Variants in DTWD2 observed in about 807,000 individuals in gnomAD.
The protein encoded by DTWD2 is DTW motif tRNA-uridine aminocarboxypropyltransferase 2, also known as tRNA-uridine aminocarboxypropyltransferase 2.
Under a neutral mutation model 31.8 loss-of-function variants are expected in DTWD2, and 39 were observed. The ratio of observed to expected loss-of-function variants is 1.22; its 90% CI spans 0.95 to 1.60. The LOEUF (loss-of-function observed/expected upper bound fraction) is 1.60, where lower values mean the gene tolerates loss of function less well. Among genes scored for constraint, DTWD2 ranks in the 40% most tolerant of loss-of-function variants. DTWD2 has a pLI of 0.00. For missense variants in DTWD2, 515 were observed against 381.5 expected (o/e 1.35, Z -2.92); for synonymous variants, 180 against 142.8 (o/e 1.26, Z -1.86).
intron 1 of DTWD2, among the ~76,000 whole-genome samples, chr5:118,980,225 T>C (rs527776190): frequency 1.4e-4 from 22 of 152,274 alleles, no homozygotes; most frequent in African/African-American, 4.3e-4. Context: ...TTGCAACCCA[T>C]TGTAAAAAAT....
At chr5:118,973,274 C>T (rs1755033214) in intron 1 of DTWD2, among the ~76,000 whole-genome samples, 1 of 152,088 alleles carries the variant, frequency 6.6e-6, no homozygotes, top group South Asian at 2.1e-4. Flanking sequence ...AACGTTGTTA[C>T]GTATGAATAT....
rs144546785 is a variant in DTWD2 at position 118,905,659 on chromosome 5, G to T, written c.597+22878C>A. On this transcript the variant is annotated intron_variant, in intron 4 of 5. Transcript: ENST00000510708. ...GTCTCGTTTCAAAAGTGATCGCCCT[G>T]GTAAGACTATTTTAATGACATTTCT... Among the ~76,000 whole-genome samples the T allele has an allele frequency of 4.1e-3, 627 of 151,992 alleles. 8 individuals are homozygous for T. The highest frequency in any genetic ancestry group is 0.029 in the East Asian group (151 of 5,182).
At chr5:118,898,461 C>T (rs1350747976) in intron 4 of DTWD2, among the ~76,000 whole-genome samples, 4 of 151,248 alleles carry the variant, frequency 2.6e-5, no homozygotes, top group African/African-American at 9.7e-5. Flanking sequence ...AGTTCAAGAC[C>T]AGCCTGGCCA....
rs531932742 is a variant in DTWD2, at chr5:118,847,538, T to C, written c.726+552A>G. 1.5e-3 allele frequency among the ~76,000 whole-genome samples: 232 copies of C among 152,274 alleles called. 2 individuals are homozygous for C. The highest frequency in any genetic ancestry group is 6.4e-3 in the South Asian group (31 of 4,832). On this transcript the variant is annotated intron_variant, in intron 5 of 5. Transcript: ENST00000510708. The stretch of plus-strand genomic sequence containing the variant: ...TTTGCTGATGATTATTAATTATATA[T>C]GAAATCATCATGCTTTCATAGAAAT...
chr5:118,857,056 C>T (rs1752152847), intron 4 of DTWD2, among the ~76,000 whole-genome samples: 1 of 152,116 alleles, frequency 6.6e-6, no homozygotes. Context: ...GGATTACAGG[C>T]ATGAGCCACC....
At chr5:118,978,489 C>T (rs1561480441) in intron 1 of DTWD2, among the ~76,000 whole-genome samples, 1 of 152,114 alleles carries the variant, frequency 6.6e-6, no homozygotes, top group African/African-American at 2.4e-5. Flanking sequence ...TGACAAAGGT[C>T]TAATATCCAG....
chr5:118,877,496 A>T (rs34505089), intron 4 of DTWD2, among the ~76,000 whole-genome samples: 3,105 of 151,924 alleles, frequency 0.02, 52 homozygotes, highest in Middle Eastern at 0.027. Context: ...TAAAAAAAAT[A>T]AAAAAAGCTC....
chr5:118,871,425 T>A (rs1026563485), intron 4 of DTWD2, among the ~76,000 whole-genome samples: 1 of 152,208 alleles, frequency 6.6e-6, no homozygotes, highest in African/African-American at 2.4e-5. Flanking sequence ...ATCAGAGGAA[T>A]CACTATTTAT....
intron 2 of DTWD2, 143 bp downstream of exon 2, chr5:118,944,416 T>C (rs968788875): frequency 1.8e-5 from 14 of 779,896 alleles, no homozygotes; most frequent in Non-Finnish European, 2.0e-6. Context: ...AAAAAGAAAC[T>C]ATTTTTTCCA....
At chr5:118,860,645 C>T (rs1157003463) in intron 4 of DTWD2, among the ~76,000 whole-genome samples, 1 of 152,054 alleles carries the variant, frequency 6.6e-6, no homozygotes, top group Admixed American at 6.6e-5. Context: ...TACATGAAAG[C>T]ACAAGTTTCC....
intron 3 of DTWD2, among the ~76,000 whole-genome samples, chr5:118,935,567 T>TG (rs1193252119): frequency 6.6e-6 from 1 of 152,164 alleles, no homozygotes; most frequent in African/African-American, 2.4e-5. Flanking sequence ...CTCACATATT[T>TG]GGGGGTCTCG....
chr5:118,968,571 G>C (rs949225459), intron 1 of DTWD2, among the ~76,000 whole-genome samples: 4 of 152,180 alleles, frequency 2.6e-5, no homozygotes, highest in African/African-American at 7.2e-5. Flanking sequence ...CAGTGAGTGT[G>C]CGACCCCACC....
intron 2 of DTWD2, among the ~76,000 whole-genome samples, chr5:118,939,577 TTAAC>T (rs932760055): frequency 9.3e-4 from 142 of 152,262 alleles, no homozygotes; most frequent in African/African-American, 3.3e-3. Context: ...AAATTTGTGT[TTAAC>T]TAAATTGAAT....
At chr5:118,898,088 C>T (rs1753120962) in intron 4 of DTWD2, among the ~76,000 whole-genome samples, 1 of 151,874 alleles carries the variant, frequency 6.6e-6, no homozygotes, top group African/African-American at 2.4e-5. Flanking sequence ...TGGTCTCAAA[C>T]CCCTGGACTC....
In DTWD2 at chr5:118,839,443, G is replaced by A. The variant is rs1250656987; in HGVS notation, c.*1474C>T. ...GAACATAGCTCCTTGCAACCTTGAT[G>A]TCCTGGGCTCCAGCGATCCTCCCAC... On this transcript the variant is annotated 3_prime_UTR_variant, in exon 6 of 6. Coordinates refer to ENST00000510708, the MANE Select transcript of DTWD2 (RefSeq NM_173666.4). 2.6e-5 allele frequency: 4 copies of A among 151,980 alleles called. No individual in the cohort carries two copies. The highest frequency in any genetic ancestry group is 5.9e-5 in the Non-Finnish European group (4 of 68,014). The allele number at this position is 151,980 out of a possible 1,614,324, so 9.4% of individuals were successfully genotyped here. A position where few individuals can be genotyped will look rare whatever the true frequency, so the allele number is the denominator to read the frequency against.
At chr5:118,973,903 C>G (rs554114902) in intron 1 of DTWD2, 3 of 1,607,400 alleles carry the variant, frequency 1.9e-6, no homozygotes, top group African/African-American at 2.7e-5. Context: ...CCCCTGCTAA[C>G]GGGAATGCTA....
intron 1 of DTWD2, among the ~76,000 whole-genome samples, chr5:118,960,521 A>C (rs1459836930): frequency 1.3e-5 from 2 of 152,208 alleles, no homozygotes; most frequent in Non-Finnish European, 2.9e-5. Context: ...CGGTTTAGCA[A>C]TTTCTCAAAG....
intron 1 of DTWD2, among the ~76,000 whole-genome samples, chr5:118,972,910 C>T (rs779691861): frequency 6.4e-4 from 98 of 152,244 alleles, no homozygotes; most frequent in Middle Eastern, 6.8e-3. Flanking sequence ...AATCTGGGTG[C>T]CCCTGTATTG....
intron 1 of DTWD2, among the ~76,000 whole-genome samples, chr5:118,972,025 A>T (rs1045570675): frequency 6.6e-6 from 1 of 152,216 alleles, no homozygotes; most frequent in African/African-American, 2.4e-5. Context: ...AGCTAGTAAG[A>T]TCTCAAATCA....
Sources: gnomAD v4.1 joint callset for allele counts (sites outside exome capture counted in the v4.1 genomes callset) on GRCh38, gnomAD v4.1.1 for gene constraint, MANE v1.5 for transcripts, NCBI Gene and HGNC (gene_info 2026-07-23, HGNC 2026-07-21) for gene names.